The following NEDD4L variants were observed in gnomAD, a reference collection of about 807,000 sequenced individuals.
NEDD4L encodes NEDD4 like E3 ubiquitin protein ligase.
NEDD4L carries 54 observed loss-of-function variants against 148.9 expected under a neutral mutation model. That is an observed-to-expected ratio of 0.36 (90% confidence interval 0.29 to 0.45). The LOEUF is 0.45. Ranked by LOEUF, NEDD4L falls within the 20% of genes least tolerant of loss-of-function variation. The pLI, the probability that NEDD4L is intolerant of heterozygous loss-of-function variation, is 1.00. For missense variants in NEDD4L, 856 were observed against 1,233.8 expected (o/e 0.69, Z 4.59); for synonymous variants, 433 against 440.7 (o/e 0.98, Z 0.22).
At position 58,396,306 on chromosome 18, in the gene NEDD4L, A is replaced by G. The variant is rs2050487250; in HGVS notation, c.*37A>G. Reference sequence around the variant, plus strand: ...CTCGGGGGTGGTTGTTCTTCAAGCAAGTTCTGCTTGCACTTTTGCATTTGC... The same window carrying G: ...CTCGGGGGTGGTTGTTCTTCAAGCAGGTTCTGCTTGCACTTTTGCATTTGC... On this transcript the variant is annotated 3_prime_UTR_variant, in exon 31 of 31. Transcript: ENST00000400345. 2.1e-6 allele frequency: 3 copies of G among 1,400,434 alleles called. No individual in the cohort carries two copies. Among genetic ancestry groups the G allele is most frequent in the African/African-American group, 2.8e-5 (2 of 70,862 alleles). 86.8% of individuals were successfully genotyped at this position (1,400,434 alleles called of 1,614,324 possible).
At chr18:58,109,567 T>TTTGG (rs1568228362) in intron 1 of NEDD4L, among the ~76,000 whole-genome samples, 1 of 142,380 alleles carries the variant, frequency 7.0e-6, no homozygotes, top group African/African-American at 2.6e-5. Context: ...GGAGGTTTTT[T>TTTGG]TTTTGTTTTT....
intron 5 of NEDD4L, among the ~76,000 whole-genome samples, chr18:58,303,840 T>G (rs2056771634): frequency 6.6e-6 from 1 of 152,246 alleles, no homozygotes; most frequent in Non-Finnish European, 1.5e-5. Flanking sequence ...CCTGCCACTT[T>G]CTGGTTACAG....
At chr18:58,252,394 CTT>C (rs1000090352) in intron 5 of NEDD4L, among the ~76,000 whole-genome samples, 2 of 152,178 alleles carry the variant, frequency 1.3e-5, no homozygotes, top group Non-Finnish European at 2.9e-5. Context: ...TGTAAACAAA[CTT>C]TGCTCGGTTT....
intron 5 of NEDD4L, among the ~76,000 whole-genome samples, chr18:58,311,852 C>A (rs991874726): frequency 1.6e-4 from 24 of 152,128 alleles, no homozygotes; most frequent in African/African-American, 5.6e-4. Context: ...GGGGAAATGC[C>A]CATAGGCTAT....
intron 14 of NEDD4L, among the ~76,000 whole-genome samples, chr18:58,341,438 GC>G (rs963352405): frequency 6.6e-6 from 1 of 152,122 alleles, no homozygotes; most frequent in African/African-American, 2.4e-5. Flanking sequence ...CTTCTTCCCT[GC>G]CCAGCCCCCA....
At chr18:58,170,241 T>C (rs934568972) in intron 2 of NEDD4L, among the ~76,000 whole-genome samples, 6 of 152,222 alleles carry the variant, frequency 3.9e-5, no homozygotes, top group African/African-American at 1.2e-4. Context: ...AGCTGCCCTC[T>C]CATCTGTCAG....
At chr18:58,084,023 G>A (rs779197744) in intron 1 of NEDD4L, among the ~76,000 whole-genome samples, 5 of 152,152 alleles carry the variant, frequency 3.3e-5, no homozygotes, top group Admixed American at 6.5e-5. Context: ...GAGCCAGTGC[G>A]CCCGGCCCAA....
At chr18:58,241,802 G>C (rs1051561158) in intron 2 of NEDD4L, among the ~76,000 whole-genome samples, 1 of 152,058 alleles carries the variant, frequency 6.6e-6, no homozygotes, top group African/African-American at 2.4e-5. Flanking sequence ...TTGAATCCTA[G>C]TACCAGTTTA....
At chr18:58,183,715 G>A (rs1430303111) in intron 2 of NEDD4L, among the ~76,000 whole-genome samples, 2 of 152,316 alleles carry the variant, frequency 1.3e-5, no homozygotes, top group East Asian at 3.9e-4. Flanking sequence ...TCGGATTTCA[G>A]TTACCCAAGT....
intron 2 of NEDD4L, among the ~76,000 whole-genome samples, chr18:58,200,089 T>G (rs2041218738): frequency 6.6e-6 from 1 of 152,264 alleles, no homozygotes; most frequent in African/African-American, 2.4e-5. Context: ...GTTTTCTTTT[T>G]CTTTGAAATA....
chr18:58,058,434 C>G (rs1397211068), intron 1 of NEDD4L, among the ~76,000 whole-genome samples: 2 of 152,180 alleles, frequency 1.3e-5, no homozygotes, highest in African/African-American at 4.8e-5. Context: ...ACTCTTTCAT[C>G]TTGCAAAACT....
intron 2 of NEDD4L, among the ~76,000 whole-genome samples, chr18:58,200,954 A>G (rs1278576204): frequency 6.6e-6 from 1 of 152,164 alleles, no homozygotes; most frequent in Non-Finnish European, 1.5e-5. Context: ...ATATATTGAT[A>G]TTCACTTTTG....
chr18:58,148,041 T>TCC (rs60375254), intron 1 of NEDD4L, among the ~76,000 whole-genome samples: 26 of 148,686 alleles, frequency 1.7e-4, no homozygotes, highest in African/African-American at 6.5e-4. Flanking sequence ...CACCCCTCTC[T>TCC]CCCCCCCTTT....
chr18:58,227,865 G>A (rs1042289935), intron 2 of NEDD4L: 19 of 982,526 alleles, frequency 1.9e-5, no homozygotes, highest in Middle Eastern at 5.2e-4. Context: ...TTTTTTGGTC[G>A]TGACATCAGA....
chr18:58,112,789 C>G (rs2085502705), intron 1 of NEDD4L, among the ~76,000 whole-genome samples: 2 of 152,130 alleles, frequency 1.3e-5, no homozygotes, highest in South Asian at 4.1e-4. Context: ...CATGCCTGGC[C>G]CATTATATAT....
rs774715452 is a variant in NEDD4L at position 58,390,782 on chromosome 18, AT to A, written c.2752+43del. ...ATTGGATTCAGTTGTCCTCCTGGGA[AT>A]TTCCAGCCAGGCATGAACTCTGGCC... is the stretch of plus-strand genomic sequence containing the variant. On this transcript the variant is annotated intron_variant, in intron 29 of 30. Transcript: ENST00000400345. 1.2e-5 allele frequency: 18 copies of A among 1,447,538 alleles called. No individual in the cohort carries two copies. In the East Asian group the frequency reaches 4.4e-4, roughly 35 times the overall value. 89.7% of individuals were successfully genotyped at this position (1,447,538 alleles called of 1,614,324 possible).
intron 5 of NEDD4L, among the ~76,000 whole-genome samples, chr18:58,289,287 G>A (rs920774585): frequency 1.3e-5 from 2 of 152,172 alleles, no homozygotes; most frequent in African/African-American, 4.8e-5. Context: ...GAGGGGCTGA[G>A]GGGCAGGTGG....
intron 13 of NEDD4L, 200 bp from the exon 14 acceptor site, chr18:58,340,838 G>C (rs542431897): frequency 5.3e-6 from 3 of 561,344 alleles, no homozygotes; most frequent in Non-Finnish European, 9.1e-6. Context: ...CTCTGCAACT[G>C]TATGGGGTTC....
chr18:58,133,304 G>C (rs2032405506), intron 1 of NEDD4L, among the ~76,000 whole-genome samples: 1 of 152,152 alleles, frequency 6.6e-6, no homozygotes, highest in Non-Finnish European at 1.5e-5. Flanking sequence ...TGTTTCCACT[G>C]CTCCCCTGTT....
Sources: gnomAD v4.1 joint callset for allele counts (sites outside exome capture counted in the v4.1 genomes callset) on GRCh38, gnomAD v4.1.1 for gene constraint, MANE v1.5 for transcripts, NCBI Gene and HGNC (gene_info 2026-07-23, HGNC 2026-07-21) for gene names.